The following ST6GALNAC3 variants were observed in gnomAD, a reference collection of about 807,000 sequenced individuals.
ST6GALNAC3 encodes alpha-N-acetylgalactosaminide alpha-2,6-sialyltransferase 3.
Under a neutral mutation model 32.7 loss-of-function variants are expected in ST6GALNAC3, and 25 were observed. The observed-to-expected ratio is 0.76, with a 90% CI of 0.56 to 1.07. The LOEUF (loss-of-function observed/expected upper bound fraction) is 1.07. Among genes scored for constraint, ST6GALNAC3 ranks in the 50% least tolerant of loss-of-function variants. The pLI, the probability that ST6GALNAC3 is intolerant of heterozygous loss-of-function variation, is 0.00. For missense variants in ST6GALNAC3, 355 were observed against 382.4 expected (o/e 0.93, Z 0.60); for synonymous variants, 129 against 133.1 (o/e 0.97, Z 0.21).
intron 3 of ST6GALNAC3, among the ~76,000 whole-genome samples, chr1:76,429,232 G>T (rs74089936): frequency 0.014 from 2,101 of 152,124 alleles, 45 homozygotes; most frequent in African/African-American, 0.048. Flanking sequence ...GTAGATGTTG[G>T]TTTCTTGTCA....
chr1:76,259,052 A>G (rs1418595795), intron 1 of ST6GALNAC3, among the ~76,000 whole-genome samples: 2 of 152,184 alleles, frequency 1.3e-5, no homozygotes, highest in African/African-American at 2.4e-5. Flanking sequence ...CCTATCTTAT[A>G]TGCTATAAAC....
downstream of ST6GALNAC3, chr1:76,637,000 T>C (rs963278948): frequency 6.0e-5 from 9 of 150,784 alleles, no homozygotes; most frequent in African/African-American, 1.9e-4. Context: ...ATTCTGTGGT[T>C]CTTTACAGGG....
At chr1:76,300,546 A>G (rs984303016) in intron 1 of ST6GALNAC3, among the ~76,000 whole-genome samples, 2 of 152,024 alleles carry the variant, frequency 1.3e-5, no homozygotes, top group African/African-American at 4.8e-5. Flanking sequence ...TTATCTAGAT[A>G]TAGCCTCTGT....
chr1:76,103,115 T>C (rs1647299882), intron 1 of ST6GALNAC3, among the ~76,000 whole-genome samples: 1 of 151,776 alleles, frequency 6.6e-6, no homozygotes, highest in Non-Finnish European at 1.5e-5. Context: ...AGTTTTTTTT[T>C]TTTTTTCTTT....
At chr1:76,309,654 G>C (rs1339190941) in intron 1 of ST6GALNAC3, among the ~76,000 whole-genome samples, 1 of 152,138 alleles carries the variant, frequency 6.6e-6, no homozygotes, top group Non-Finnish European at 1.5e-5. Flanking sequence ...TTTCATACTA[G>C]CAGTATGAGA....
intron 1 of ST6GALNAC3, among the ~76,000 whole-genome samples, chr1:76,115,641 G>A (rs1012334523): frequency 7.2e-5 from 11 of 152,312 alleles, no homozygotes; most frequent in East Asian, 5.8e-4. Flanking sequence ...TTTGAGTACA[G>A]AAATTCTGCT....
chr1:76,095,073 A>G (rs984642007), intron 1 of ST6GALNAC3, among the ~76,000 whole-genome samples: 2 of 152,106 alleles, frequency 1.3e-5, no homozygotes, highest in African/African-American at 4.8e-5. Flanking sequence ...TAATACATGA[A>G]ATGGCTGAGG....
At chr1:76,612,933 C>A (rs761029022) in intron 3 of ST6GALNAC3, among the ~76,000 whole-genome samples, 3 of 152,194 alleles carry the variant, frequency 2.0e-5, no homozygotes, top group Non-Finnish European at 2.9e-5. Flanking sequence ...ACTACAGAAG[C>A]TTTCCTATGG....
At chr1:76,362,892 C>T (rs1468853189) in intron 2 of ST6GALNAC3, among the ~76,000 whole-genome samples, 2 of 152,192 alleles carry the variant, frequency 1.3e-5, no homozygotes, top group Admixed American at 1.3e-4. Flanking sequence ...AGGGTGCAAG[C>T]TGTCAGTAGA....
intron 3 of ST6GALNAC3, among the ~76,000 whole-genome samples, chr1:76,584,462 A>ATGTT: frequency 6.6e-6 from 1 of 152,314 alleles, no homozygotes; most frequent in South Asian, 2.1e-4. Flanking sequence ...TGTACAGAAA[A>ATGTT]TGTTTTTTAA....
intron 2 of ST6GALNAC3, among the ~76,000 whole-genome samples, chr1:76,391,327 G>T (rs1307406558): frequency 6.6e-6 from 1 of 152,174 alleles, no homozygotes; most frequent in Non-Finnish European, 1.5e-5. Flanking sequence ...CAGTTCCTGT[G>T]TGTGAAAAGC....
At chr1:76,581,266 T>C (rs1190133999) in intron 3 of ST6GALNAC3, among the ~76,000 whole-genome samples, 2 of 152,128 alleles carry the variant, frequency 1.3e-5, no homozygotes, top group Non-Finnish European at 2.9e-5. Context: ...TGTTTTTTAC[T>C]AAGGAATGTT....
intron 2 of ST6GALNAC3, among the ~76,000 whole-genome samples, chr1:76,356,121 A>G (rs558398349): frequency 6.6e-6 from 1 of 151,878 alleles, no homozygotes; most frequent in East Asian, 1.9e-4. Flanking sequence ...TATTTTCTCT[A>G]CTCACTCATT....
At chr1:76,145,337 C>T (rs1318829291) in intron 1 of ST6GALNAC3, among the ~76,000 whole-genome samples, 1 of 152,174 alleles carries the variant, frequency 6.6e-6, no homozygotes, top group African/African-American at 2.4e-5. Context: ...AACCCCGCTG[C>T]CCCTCCTTGA....
At chr1:76,204,330 A>G (rs1654702065) in intron 1 of ST6GALNAC3, among the ~76,000 whole-genome samples, 1 of 152,188 alleles carries the variant, frequency 6.6e-6, no homozygotes, top group African/African-American at 2.4e-5. Context: ...GCTATTATAA[A>G]TATTGTTGCC....
chr1:76,358,544 A>G (rs938555626), intron 2 of ST6GALNAC3, among the ~76,000 whole-genome samples: 3 of 152,096 alleles, frequency 2.0e-5, no homozygotes, highest in African/African-American at 7.2e-5. Flanking sequence ...ATTTCCTCAT[A>G]TAGGACACCA....
rs188746016 is a variant in ST6GALNAC3, at chr1:76,096,497, T to C, written c.18+21613T>C. ...GTGAATACTATAGCTTTGCCTCTAA[T>C]TGGCTTTTCAGTCCTTCACGCTGTA... On this transcript the variant is annotated intron_variant, in intron 1 of 4. Transcript: ENST00000328299. Among the ~76,000 whole-genome samples the C allele has an allele frequency of 1.2e-3, 187 of 152,204 alleles. 2 individuals carry two copies. Among genetic ancestry groups the C allele is most frequent in the African/African-American group, 4.2e-3 (174 of 41,544 alleles).
At chr1:76,558,847 G>T (rs1435699573) in intron 3 of ST6GALNAC3, among the ~76,000 whole-genome samples, 1 of 152,128 alleles carries the variant, frequency 6.6e-6, no homozygotes, top group African/African-American at 2.4e-5. Flanking sequence ...CACAGGTATA[G>T]CTCTTGGGGA....
intron 3 of ST6GALNAC3, among the ~76,000 whole-genome samples, chr1:76,488,281 C>T (rs1342987383): frequency 2.6e-5 from 4 of 152,090 alleles, no homozygotes; most frequent in Non-Finnish European, 4.4e-5. Context: ...CACCCCCACT[C>T]TCTCTCATTT....
Sources: allele counts gnomAD v4.1 joint callset (sites outside exome capture counted in the v4.1 genomes callset), GRCh38; gene constraint gnomAD v4.1.1; transcripts MANE v1.5; gene names NCBI Gene and HGNC (gene_info 2026-07-23, HGNC 2026-07-21).